The following THADA variants were observed in gnomAD, a reference collection of about 807,000 sequenced individuals.
THADA encodes THADA armadillo repeat containing.
A neutral mutation model predicts 219.8 loss-of-function variants in THADA; 213 were observed. The ratio of observed to expected loss-of-function variants is 0.97; its 90% CI spans 0.87 to 1.09. The LOEUF is 1.09. Among genes scored for constraint, THADA ranks in the 50% least tolerant of loss-of-function variants. The probability of loss-of-function intolerance (pLI) is 0.00; values close to 1 mark genes in which losing one functional copy is unlikely to be tolerated. For missense variants in THADA, 2,956 were observed against 2,311.3 expected, an observed-to-expected ratio of 1.28 and a Z score of -5.72; for synonymous variants, 1,018 against 828.9, an observed-to-expected ratio of 1.23 and a Z score of -3.92.
chr2:43,566,222 G>A (rs977138169), intron 15 of THADA: 1 of 445,810 alleles, frequency 2.2e-6, no homozygotes, highest in Non-Finnish European at 4.0e-6. Flanking sequence ...TATTAAATCA[G>A]AATACTTGGA....
At chr2:43,265,930 A>AACACACACACACAC (rs56173099) in intron 36 of THADA, among the ~76,000 whole-genome samples, 1 of 124,736 alleles carries the variant, frequency 8.0e-6, no homozygotes, top group African/African-American at 3.0e-5. Context: ...TTACTTTTGA[A>AACACACACACACAC]ACACACACAC....
chr2:43,475,546 T>C (rs781108141), intron 26 of THADA, among the ~76,000 whole-genome samples: 2 of 152,114 alleles, frequency 1.3e-5, no homozygotes, highest in Non-Finnish European at 2.9e-5. Flanking sequence ...GAGTTTATAT[T>C]AAAAAACAAT....
chr2:43,509,896 A>C (rs1690176546), intron 22 of THADA, among the ~76,000 whole-genome samples: 1 of 152,222 alleles, frequency 6.6e-6, no homozygotes. Context: ...AGCATATCTT[A>C]AAATCCATCA....
At chr2:43,453,279 G>T (rs1682583783) in intron 26 of THADA, among the ~76,000 whole-genome samples, 2 of 152,176 alleles carry the variant, frequency 1.3e-5, no homozygotes, top group South Asian at 4.1e-4. Context: ...TTAAGAAGTG[G>T]ACATCCATCT....
At chr2:43,241,632 T>C (rs1157766434) in intron 36 of THADA, among the ~76,000 whole-genome samples, 1 of 151,708 alleles carries the variant, frequency 6.6e-6, no homozygotes, top group Non-Finnish European at 1.5e-5. Flanking sequence ...TCCAAATTTC[T>C]AGCATCTTTT....
At chr2:43,283,580 T>C (rs2104328826) in intron 35 of THADA, among the ~76,000 whole-genome samples, 1 of 152,370 alleles carries the variant, frequency 6.6e-6, no homozygotes, top group South Asian at 2.1e-4. Context: ...AGGTCACTCT[T>C]GCTCTGCTTT....
At position 43,577,008 on chromosome 2, in the gene THADA, G is replaced by C. The variant is rs1421450187; in HGVS notation, c.1037+14C>G. The C allele has an allele frequency of 3.1e-6, 5 of 1,603,250 alleles. No homozygotes were observed. Among genetic ancestry groups the C allele is most frequent in the Non-Finnish European group, 4.3e-6 (5 of 1,173,098 alleles). On this transcript the variant is annotated intron_variant, in intron 10 of 37. Coordinates refer to ENST00000405975, the MANE Select transcript of THADA (RefSeq NM_022065.5). ...AAGTGAAACAAAATATGAGACGATA[G>C]CATCAAAACTCACTGTGAACTCAAG...
At chr2:43,400,433 G>A (rs1161522164) in intron 28 of THADA, among the ~76,000 whole-genome samples, 6 of 125,702 alleles carry the variant, frequency 4.8e-5, no homozygotes, top group African/African-American at 1.8e-4. Flanking sequence ...TTCTTTAGGT[G>A]GAAAGATTAG....
chr2:43,555,403 T>C (rs1697228089), intron 17 of THADA, among the ~76,000 whole-genome samples: 1 of 151,076 alleles, frequency 6.6e-6, no homozygotes, highest in African/African-American at 2.4e-5. Context: ...CATGTATATA[T>C]ATATATATGT....
At chr2:43,468,506 CT>C (rs1684533872) in intron 26 of THADA, among the ~76,000 whole-genome samples, 1 of 152,124 alleles carries the variant, frequency 6.6e-6, no homozygotes, top group Non-Finnish European at 1.5e-5. Context: ...GTCAGTAAAG[CT>C]TTTAGTAAAA....
At chr2:43,265,896 C>T (rs989832703) in intron 36 of THADA, among the ~76,000 whole-genome samples, 7 of 147,170 alleles carry the variant, frequency 4.8e-5, no homozygotes, top group Admixed American at 3.5e-4. Context: ...ATTAAGGGGG[C>T]GAGGATGATA....
chr2:43,442,117 T>A (rs1276225381), intron 26 of THADA, among the ~76,000 whole-genome samples: 2 of 152,114 alleles, frequency 1.3e-5, no homozygotes, highest in African/African-American at 4.8e-5. Context: ...GTCGGGGACA[T>A]CATTATGGAT....
At position 43,508,675 on chromosome 2, in the gene THADA, G is replaced by A. The variant is rs780841889; in HGVS notation, c.3480C>T (p.Arg1160=). Residue 1160 remains arginine (R), a synonymous_variant, in exon 23 of 38, where the codon CGC becomes CGT. Transcript: ENST00000405975. ...GTATGTAGAAAGGAATTCCAGCACT[G>A]CGCCTTGTAGCACAGAGTTTAGATG... ...DPSSKLCATR[R]SAGIPFYIQA... 1 of 1,613,498 alleles carries A rather than the reference G, an allele frequency of 6.2e-7. No homozygotes were observed. Among genetic ancestry groups the A allele is most frequent in the South Asian group, 1.1e-5 (1 of 91,028 alleles).
At chr2:43,360,605 C>T (rs747802194) in intron 29 of THADA, among the ~76,000 whole-genome samples, 1 of 152,196 alleles carries the variant, frequency 6.6e-6, no homozygotes, top group Non-Finnish European at 1.5e-5. Flanking sequence ...AACACTGATG[C>T]CACTATGAAA....
intron 29 of THADA, among the ~76,000 whole-genome samples, chr2:43,380,471 G>A (rs531974650): frequency 1.1e-4 from 17 of 152,194 alleles, no homozygotes; most frequent in Non-Finnish European, 2.5e-4. Context: ...ATATGCAAGG[G>A]AGAAAGCTAA....
At chr2:43,234,092 G>C (rs563126842) in intron 36 of THADA, among the ~76,000 whole-genome samples, 2 of 152,302 alleles carry the variant, frequency 1.3e-5, no homozygotes, top group South Asian at 4.1e-4. Flanking sequence ...TGAGGGCCTA[G>C]TGAGTGCCAG....
intron 33 of THADA, 100 bp from the exon 34 acceptor site, chr2:43,291,868 T>C: frequency 1.8e-6 from 2 of 1,081,534 alleles, no homozygotes; most frequent in Admixed American, 3.0e-5. Flanking sequence ...CAGAGGTGAA[T>C]ACTGAAAATC....
chr2:43,432,136 G>A (rs1021816827), intron 26 of THADA, among the ~76,000 whole-genome samples: 2 of 141,584 alleles, frequency 1.4e-5, no homozygotes, highest in African/African-American at 2.9e-5. Context: ...GATTACAGGC[G>A]TGAGCCACCG....
At chr2:43,591,841 G>A (rs1044878798) in intron 3 of THADA, 111 bp downstream of exon 3, 2 of 601,552 alleles carry the variant, frequency 3.3e-6, no homozygotes, top group Non-Finnish European at 5.4e-6. Flanking sequence ...ATTTGCTAAT[G>A]ATAAACTGAT....
Sources: gnomAD v4.1 joint callset for allele counts (sites outside exome capture counted in the v4.1 genomes callset) on GRCh38, gnomAD v4.1.1 for gene constraint, MANE v1.5 for transcripts, NCBI Gene and HGNC (gene_info 2026-07-23, HGNC 2026-07-21) for gene names.